Variants in SMG6 observed in about 807,000 individuals in gnomAD.
SMG6 encodes the protein telomerase-binding protein EST1A.
Under a neutral mutation model 142.2 loss-of-function variants are expected in SMG6, and 66 were observed. That is an observed-to-expected ratio of 0.46 (90% CI 0.38 to 0.57). SMG6 has a LOEUF of 0.57. SMG6 is among the 20% of genes least tolerant of loss of function. The probability of loss-of-function intolerance (pLI) is 0.00; values close to 1 mark genes in which losing one functional copy is unlikely to be tolerated. For missense variants in SMG6, 1,793 were observed against 1,832.0 expected (o/e 0.98, Z 0.39); for synonymous variants, 779 against 702.4 (o/e 1.11, Z -1.72).
Position 2,191,492 on chromosome 17 carries a change from G to A in SMG6, c.2870-2977C>T, listed in dbSNP as rs2072162032. 1.3e-5 allele frequency among the ~76,000 whole-genome samples: 2 copies of A among 152,226 alleles called. 1 individual carries two copies. The highest frequency in any genetic ancestry group is 4.1e-4 in the South Asian group (2 of 4,830). ...CTTGGTATTCGCCTGGGTTCCTCTG[G>A]CTTTGTGTCAGGTAGCAGGAGCATG... On this transcript the variant is annotated intron_variant, in intron 10 of 18. Transcript: ENST00000263073.
chr17:2,185,739 C>T (rs932746082), intron 12 of SMG6, among the ~76,000 whole-genome samples: 7 of 149,948 alleles, frequency 4.7e-5, no homozygotes, highest in Non-Finnish European at 1.0e-4. Flanking sequence ...GAAACGAGGG[C>T]GAGGTGTAGT....
At position 2,300,646 on chromosome 17, in the gene SMG6, T is replaced by C. The variant is rs1199041943; in HGVS notation, c.107A>G (p.Lys36Arg). Residue 36 changes from lysine to arginine, a missense_variant, in exon 2 of 19, where the codon AAG becomes AGG. Coordinates refer to ENST00000263073, the MANE Select transcript of SMG6 (RefSeq NM_017575.5). ...GTTATCTTTGCGCGGCCTGGCCTCCTTTAATTCCTTCATGTTTTCTGTTAT... is the reference window on the plus strand; with the variant it reads ...GTTATCTTTGCGCGGCCTGGCCTCCCTTAATTCCTTCATGTTTTCTGTTAT... ...AGSRENMKEL[K>R]EARPRKDNRR... 2 of 1,586,328 alleles carry C rather than the reference T, an allele frequency of 1.3e-6. No homozygotes were observed. Among genetic ancestry groups the C allele is most frequent in the Admixed American group, 1.9e-5 (1 of 52,804 alleles).
intron 16 of SMG6, among the ~76,000 whole-genome samples, chr17:2,066,300 G>A (rs1397386187): frequency 6.6e-6 from 1 of 151,356 alleles, no homozygotes; most frequent in African/African-American, 2.5e-5. Flanking sequence ...CTGTGTGCGT[G>A]TGTACATGTA....
At chr17:2,062,145 G>A (rs1276054498) in intron 18 of SMG6, 2 of 154,582 alleles carry the variant, frequency 1.3e-5, no homozygotes, top group Non-Finnish European at 2.9e-5. Flanking sequence ...GAGCCCTGAG[G>A]AGAGGAGAGG....
At chr17:2,221,538 A>T (rs2151768157) in intron 10 of SMG6, among the ~76,000 whole-genome samples, 1 of 152,348 alleles carries the variant, frequency 6.6e-6, no homozygotes, top group African/African-American at 2.4e-5. Context: ...AGTATGAGAA[A>T]GGATTAATAC....
chr17:2,210,759 T>TAAAAAA (rs200480464), intron 10 of SMG6, among the ~76,000 whole-genome samples: 1 of 123,392 alleles, frequency 8.1e-6, no homozygotes, highest in Non-Finnish European at 1.7e-5. Context: ...GCAAAAGCTT[T>TAAAAAA]AAAAAAAAAT....
chr17:2,275,223 A>T (rs972343379), intron 8 of SMG6, among the ~76,000 whole-genome samples: 6 of 152,112 alleles, frequency 3.9e-5, no homozygotes, highest in African/African-American at 1.4e-4. Flanking sequence ...GGAGTTCAAT[A>T]CCAGCCTGGC....
chr17:2,064,534 CAA>C (rs1207710404), intron 18 of SMG6, among the ~76,000 whole-genome samples: 2 of 152,154 alleles, frequency 1.3e-5, no homozygotes, highest in East Asian at 3.9e-4. Flanking sequence ...AGCTTGTGAC[CAA>C]AGAGACCAGG....
Position 2,081,923 on chromosome 17 carries a change from C to G in SMG6, c.3568G>C (p.Asp1190His). ...CCTCCGCTGCCTTCAGCCTCTGAAT[C>G]TTCCTCAAAGTCTTCAATCACCACA... ...EDVVIEDFEE[D>H]SEAEGSGGED... is the part of the protein sequence containing the mutation. Residue 1190 changes from aspartate (D) to histidine (H), a missense_variant, in exon 15 of 19, where the codon GAT becomes CAT. This residue lies in a region of SMG6 where 1,597 missense variants were observed against 1,584.6 expected (regional missense o/e 1.01). Coordinates refer to ENST00000263073, the MANE Select transcript of SMG6 (RefSeq NM_017575.5). 6.2e-7 allele frequency: 1 copy of G among 1,614,196 alleles called. No homozygotes were observed. Among genetic ancestry groups the G allele is most frequent in the Non-Finnish European group, 8.5e-7 (1 of 1,180,048 alleles).
At position 2,068,965 on chromosome 17, in the gene SMG6, C is replaced by T. The variant is rs1299362167; in HGVS notation, c.3682-34G>A. 1.2e-5 allele frequency: 20 copies of T among 1,607,416 alleles called. No homozygotes were observed. The highest frequency in any genetic ancestry group is 2.2e-5 in the South Asian group (2 of 90,442). On this transcript the variant is annotated intron_variant, in intron 15 of 18. Coordinates refer to ENST00000263073, the MANE Select transcript of SMG6 (RefSeq NM_017575.5). This position sits in a 1 kb window ranked among gnomAD's most constrained non-coding sequence, Gnocchi z 6.7. ...ACAGAGTGGTGAATGAGCCAGACAG[C>T]GAGCAGGCAAGCAGGTGGGTGAGCC...
chr17:2,064,223 GC>G (rs1304561725), intron 18 of SMG6, among the ~76,000 whole-genome samples: 2 of 152,108 alleles, frequency 1.3e-5, no homozygotes, highest in Non-Finnish European at 2.9e-5. Flanking sequence ...GGTGAGAACT[GC>G]CAGCTCTGCA....
At position 2,300,472 on chromosome 17, in the gene SMG6, ACGGGCTGTGTAC is replaced by A. The variant is rs773051669; in HGVS notation, c.269_280del (p.Gly90_Pro93del). The stretch of plus-strand genomic sequence containing the variant: ...GTTCAGTTCCTTGCAGACATCTTTA[ACGGGCTGTGTAC>A]CATTTTCAACAGCAGAGCAATCTCG... On this transcript the variant is annotated inframe_deletion, in exon 2 of 19. Transcript: ENST00000263073. 2.5e-6 allele frequency: 4 copies of A among 1,614,016 alleles called. No homozygotes were observed. The highest frequency in any genetic ancestry group is 3.4e-6 in the Non-Finnish European group (4 of 1,179,994).
intron 9 of SMG6, chr17:2,237,088 AAT>A (rs374387539): frequency 0.31 from 43,944 of 142,362 alleles, 6,447 homozygotes; most frequent in Middle Eastern, 0.38. Context: ...AAAAAAAAAA[AAT>A]TTTTTTTTTT....
intron 10 of SMG6, among the ~76,000 whole-genome samples, chr17:2,198,479 G>A (rs768672527): frequency 1.3e-4 from 20 of 152,182 alleles, no homozygotes; most frequent in Middle Eastern, 6.8e-3. Context: ...ACACACACAC[G>A]CACACAAGTG....
intron 8 of SMG6, among the ~76,000 whole-genome samples, chr17:2,268,043 A>G (rs1488393414): frequency 1.3e-5 from 2 of 152,040 alleles, no homozygotes; most frequent in East Asian, 1.9e-4. Flanking sequence ...CACTGCACCC[A>G]GCCTTATTTA....
At chr17:2,204,995 A>G (rs1301222271) in intron 10 of SMG6, among the ~76,000 whole-genome samples, 1 of 152,130 alleles carries the variant, frequency 6.6e-6, no homozygotes, top group African/African-American at 2.4e-5. Context: ...ATTTGTACTC[A>G]GTTGCTGGAC....
At chr17:2,243,234 C>T (rs1470546111) in intron 9 of SMG6, among the ~76,000 whole-genome samples, 3 of 152,160 alleles carry the variant, frequency 2.0e-5, no homozygotes, top group Non-Finnish European at 2.9e-5. Flanking sequence ...TCATTCTTAC[C>T]CAGGTTGATA....
chr17:2,276,098 A>C (rs897936791), intron 8 of SMG6, among the ~76,000 whole-genome samples: 1 of 152,210 alleles, frequency 6.6e-6, no homozygotes, highest in Non-Finnish European at 1.5e-5. Flanking sequence ...ATTAAGGCTA[A>C]TCACCCAGTT....
chr17:2,127,386 G>A (rs974321577), intron 13 of SMG6: 4 of 647,328 alleles, frequency 6.2e-6, no homozygotes, highest in African/African-American at 5.5e-5. Context: ...TGGTTGAAAT[G>A]GTAAATCCTT....
Sources: gnomAD v4.1 joint callset for allele counts (sites outside exome capture counted in the v4.1 genomes callset) on GRCh38, gnomAD v4.1.1 for gene constraint, gnomAD v4.1.1 regional missense constraint, Gnocchi (gnomAD v3.1) non-coding constraint, MANE v1.5 for transcripts, NCBI Gene and HGNC (gene_info 2026-07-23, HGNC 2026-07-21) for gene names.